TULP4: variants seen among roughly 807,000 people sequenced by gnomAD.
TULP4 encodes TUB like protein 4, also known as tubby-related protein 4.
TULP4 carries 16 observed loss-of-function variants against 129.0 expected under a neutral mutation model. The observed-to-expected ratio is 0.12, with a 90% CI of 0.08 to 0.19. TULP4 has a LOEUF of 0.19. Ranked by LOEUF, TULP4 falls within the 10% of genes least tolerant of loss-of-function variation. TULP4 has a pLI of 1.00. For synonymous variants in TULP4, 998 were observed against 854.0 expected (o/e 1.17, Z -2.94); for missense variants, 1,842 against 2,059.1 (o/e 0.89, Z 2.04).
intron 1 of TULP4, among the ~76,000 whole-genome samples, chr6:158,314,983 TA>T (rs1351921627): frequency 6.6e-6 from 1 of 152,236 alleles, no homozygotes; most frequent in Non-Finnish European, 1.5e-5. Flanking sequence ...GCGTGATTGG[TA>T]ATTTCTTGCA....
chr6:158,243,335 A>T (rs1014405836), intron 1 of TULP4, among the ~76,000 whole-genome samples: 11 of 151,692 alleles, frequency 7.3e-5, no homozygotes, highest in Admixed American at 2.6e-4. Context: ...TACCTTAAAA[A>T]TTTTTTCTTA....
intron 1 of TULP4, among the ~76,000 whole-genome samples, chr6:158,395,239 C>G (rs182052725): frequency 2.4e-3 from 372 of 152,224 alleles, no homozygotes; most frequent in African/African-American, 8.6e-3. Context: ...AAAATTTCAG[C>G]AGTGATTCCA....
At chr6:158,332,182 AAAAAAAAAAAAAAAAAAAATATAT>A (rs1562523604) in intron 1 of TULP4, among the ~76,000 whole-genome samples, 3 of 85,906 alleles carry the variant, frequency 3.5e-5, no homozygotes, top group Admixed American at 2.3e-4. Context: ...AAAAAAAAAA[AAAAAAAAAAAAAAAAAAAATATAT>A]ATATATATAT....
At chr6:158,257,388 G>A (rs1419176654) in intron 1 of TULP4, among the ~76,000 whole-genome samples, 1 of 152,116 alleles carries the variant, frequency 6.6e-6, no homozygotes, top group Non-Finnish European at 1.5e-5. Context: ...AAACTCTTAT[G>A]ATGTGTCTTT....
chr6:158,505,342 A>C (rs1042062116), intron 13 of TULP4, among the ~76,000 whole-genome samples: 7 of 152,196 alleles, frequency 4.6e-5, no homozygotes, highest in African/African-American at 1.7e-4. Flanking sequence ...CAGGGTTGGC[A>C]TACTGGCCTT....
At chr6:158,234,621 A>G (rs1411383772) in intron 1 of TULP4, among the ~76,000 whole-genome samples, 1 of 152,198 alleles carries the variant, frequency 6.6e-6, no homozygotes, top group East Asian at 1.9e-4. Flanking sequence ...TGCATTTAAA[A>G]ACTGAGTACA....
chr6:158,340,299 C>G (rs1241616726), intron 1 of TULP4, among the ~76,000 whole-genome samples: 1 of 152,198 alleles, frequency 6.6e-6, no homozygotes, highest in Non-Finnish European at 1.5e-5. Flanking sequence ...TGTAGGACCA[C>G]TCCTAAGTGT....
upstream of TULP4, among the ~76,000 whole-genome samples, chr6:158,281,957 T>G (rs4710199): frequency 0.33 from 49,673 of 151,760 alleles, 9,060 homozygotes; most frequent in Admixed American, 0.45. Flanking sequence ...ATTTGTGTAA[T>G]CTATCCTGAG....
intron 3 of TULP4, among the ~76,000 whole-genome samples, chr6:158,445,427 A>C (rs1779014009): frequency 1.3e-5 from 2 of 152,192 alleles, no homozygotes; most frequent in South Asian, 4.1e-4. Flanking sequence ...TTGCTCCTTC[A>C]TTTGTAGGAA....
intron 1 of TULP4, among the ~76,000 whole-genome samples, chr6:158,383,032 T>G (rs1777364891): frequency 6.6e-6 from 1 of 152,248 alleles, no homozygotes; most frequent in South Asian, 2.1e-4. Flanking sequence ...GCAGCCAATT[T>G]AGCCGTGGGT....
rs1272002151 is a variant in TULP4 at position 158,508,332 on chromosome 6, T to C, written c.*1638T>C. 3 of 152,300 alleles carry C rather than the reference T, an allele frequency of 2.0e-5. No homozygotes were observed. Among genetic ancestry groups the C allele is most frequent in the Middle Eastern group, 3.4e-3 (1 of 294 alleles). The allele number at this position is 152,300 out of a possible 1,614,324, so 9.4% of individuals were successfully genotyped here. ...AAGTAGAAGATGCTACAGAAAAGTA[T>C]TTTCAAATTTAAACGTTTTTTAATC... On this transcript the variant is annotated 3_prime_UTR_variant, in exon 14 of 14. Coordinates refer to ENST00000367097, the MANE Select transcript of TULP4 (RefSeq NM_020245.5).
At chr6:158,475,625 G>GGGA (rs925344206) in intron 6 of TULP4, among the ~76,000 whole-genome samples, 3 of 152,202 alleles carry the variant, frequency 2.0e-5, no homozygotes, top group Non-Finnish European at 4.4e-5. Context: ...GAGGTTCTTA[G>GGGA]GGAGGAGGTA....
rs1232256323 is a variant in TULP4 at position 158,503,289 on chromosome 6, C to A, written c.3626C>A (p.Pro1209His). ...CCTGGAGTGCAGGCTCCCTGCTCTCCCAAAGATGCCCTGTCCCCAACGCAG... is the reference window on the plus strand; with the variant it reads ...CCTGGAGTGCAGGCTCCCTGCTCTCACAAAGATGCCCTGTCCCCAACGCAG... ...PLPGVQAPCSPKDALSPTQFA... is the reference protein window; with the variant it reads ...PLPGVQAPCSHKDALSPTQFA... Residue 1209 changes from proline to histidine, a missense_variant, in exon 13 of 14, where the codon CCC (proline) becomes CAC (histidine). This residue lies in a region of TULP4 where 1,089 missense variants were observed against 987.1 expected (regional missense o/e 1.10). Coordinates refer to ENST00000367097, the MANE Select transcript of TULP4 (RefSeq NM_020245.5). This position sits in a 1 kb window ranked among gnomAD's most constrained non-coding sequence, Gnocchi z 4.3. 3 of 1,613,774 alleles carry A rather than the reference C, an allele frequency of 1.9e-6. No individual in the cohort carries two copies. The highest frequency in any genetic ancestry group is 2.5e-6 in the Non-Finnish European group (3 of 1,179,994).
intron 1 of TULP4, among the ~76,000 whole-genome samples, chr6:158,377,330 A>G (rs1439566013): frequency 6.6e-6 from 1 of 152,258 alleles, no homozygotes; most frequent in Non-Finnish European, 1.5e-5. Context: ...GCCAGGTATT[A>G]TGCTACAGAT....
intron 1 of TULP4, among the ~76,000 whole-genome samples, chr6:158,382,629 T>G (rs1562543490): frequency 6.6e-6 from 1 of 152,184 alleles, no homozygotes; most frequent in Non-Finnish European, 1.5e-5. Flanking sequence ...TTTGAAAGGA[T>G]GGTGATTAAT....
intron 1 of TULP4, among the ~76,000 whole-genome samples, chr6:158,389,843 A>G (rs991353592): frequency 3.9e-5 from 6 of 152,328 alleles, no homozygotes; most frequent in Middle Eastern, 3.4e-3. Context: ...TTTATGTCAT[A>G]TGAGCCAGCA....
chr6:158,285,526 A>G (rs1778820750), intron 1 of TULP4, among the ~76,000 whole-genome samples: 1 of 152,188 alleles, frequency 6.6e-6, no homozygotes, highest in African/African-American at 2.4e-5. Context: ...CTTACAGTAC[A>G]GGCCTGCTCA....
chr6:158,339,413 C>A (rs1244215016), intron 1 of TULP4, among the ~76,000 whole-genome samples: 1 of 152,156 alleles, frequency 6.6e-6, no homozygotes, highest in Admixed American at 6.5e-5. Context: ...ACATTGTCAG[C>A]GTTCAAGAGC....
At chr6:158,416,078 A>G (rs533248571) in intron 2 of TULP4, among the ~76,000 whole-genome samples, 114 of 152,342 alleles carry the variant, frequency 7.5e-4, no homozygotes, top group African/African-American at 2.6e-3. Flanking sequence ...TGTTGAGGGC[A>G]GGAGGCATCC....
Sources: gnomAD v4.1 joint callset for allele counts (sites outside exome capture counted in the v4.1 genomes callset) on GRCh38, gnomAD v4.1.1 for gene constraint, gnomAD v4.1.1 regional missense constraint, Gnocchi (gnomAD v3.1) non-coding constraint, MANE v1.5 for transcripts, NCBI Gene and HGNC (gene_info 2026-07-23, HGNC 2026-07-21) for gene names.